GABRA2: variants seen among roughly 807,000 people sequenced by gnomAD.
The protein encoded by GABRA2 is gamma-aminobutyric acid receptor subunit alpha-2.
Under a neutral mutation model 48.7 loss-of-function variants are expected in GABRA2, and 16 were observed. The observed-to-expected ratio is 0.33, with a 90% CI of 0.22 to 0.50. The LOEUF (loss-of-function observed/expected upper bound fraction) is 0.50. Among genes scored for constraint, GABRA2 ranks in the 20% least tolerant of loss-of-function variants. The probability of loss-of-function intolerance (pLI) is 0.98; values close to 1 mark genes in which losing one functional copy is unlikely to be tolerated. For missense variants in GABRA2, 275 were observed against 535.6 expected (o/e 0.51, Z 4.80); for synonymous variants, 185 against 184.5 (o/e 1.00, Z -0.02).
intron 9 of GABRA2, among the ~76,000 whole-genome samples, chr4:46,258,203 C>T (rs1716232890): frequency 1.3e-5 from 2 of 151,688 alleles, no homozygotes; most frequent in South Asian, 2.1e-4. Flanking sequence ...ATTTACTGAG[C>T]ACCTAATACA....
intron 5 of GABRA2, among the ~76,000 whole-genome samples, 174 bp downstream of exon 5, chr4:46,312,322 A>G (rs1397882440): frequency 6.6e-6 from 1 of 152,220 alleles, no homozygotes; most frequent in Admixed American, 6.5e-5. Flanking sequence ...ACTCAAAAAT[A>G]CTATTTTATA....
At position 46,315,942 on chromosome 4, in the gene GABRA2, TACAC is replaced by T. The variant is rs969052829; in HGVS notation, c.256-3230_256-3227del. ...TGTACTTTCACATTTAGTACATATA[TACAC>T]ACACACACACACACACACATATATA... On this transcript the variant is annotated intron_variant, in intron 4 of 9. Coordinates refer to ENST00000381620, the MANE Select transcript of GABRA2 (RefSeq NM_000807.4). 2.5e-3 allele frequency among the ~76,000 whole-genome samples: 366 copies of T among 148,320 alleles called. 1 individual carries two copies. The highest frequency in any genetic ancestry group is 8.1e-3 in the East Asian group (40 of 4,964).
chr4:46,350,003 T>A (rs1167933766), intron 3 of GABRA2, among the ~76,000 whole-genome samples: 1 of 151,908 alleles, frequency 6.6e-6, no homozygotes, highest in Non-Finnish European at 1.5e-5. Context: ...ATTTACCACC[T>A]ATTAAGCATT....
At chr4:46,390,128 T>TGGAGGA, upstream of GABRA2, 1 of 940,972 alleles carries the variant, frequency 1.1e-6, no homozygotes, top group Non-Finnish European at 1.3e-6. Context: ...GCCCCGCGCC[T>TGGAGGA]GGAGGAGGAG....
intron 9 of GABRA2, among the ~76,000 whole-genome samples, chr4:46,257,627 A>G (rs1716100511): frequency 1.3e-5 from 2 of 151,788 alleles, no homozygotes; most frequent in Non-Finnish European, 2.9e-5. Context: ...CTTGGACCAT[A>G]TTAGCTTAGC....
chr4:46,314,484 T>C (rs1237814103), intron 4 of GABRA2, among the ~76,000 whole-genome samples: 2 of 152,134 alleles, frequency 1.3e-5, no homozygotes, highest in East Asian at 3.9e-4. Flanking sequence ...TTATTTATTT[T>C]ATTTTTTAAT....
chr4:46,363,028 C>T, intron 3 of GABRA2, among the ~76,000 whole-genome samples: 1 of 152,120 alleles, frequency 6.6e-6, no homozygotes, highest in Non-Finnish European at 1.5e-5. Flanking sequence ...TACCCCCTTG[C>T]CTATGTCAAC....
intron 3 of GABRA2, among the ~76,000 whole-genome samples, chr4:46,355,579 G>A (rs781230791): frequency 1.3e-5 from 2 of 152,036 alleles, no homozygotes; most frequent in African/African-American, 2.4e-5. Context: ...ATTGTTACAA[G>A]TGCCAAGCAT....
chr4:46,297,819 C>A (rs1266767376), intron 8 of GABRA2, among the ~76,000 whole-genome samples: 2 of 151,480 alleles, frequency 1.3e-5, no homozygotes, highest in Non-Finnish European at 2.9e-5. Flanking sequence ...TGTTTTTATT[C>A]CTTTAGAGTG....
chr4:46,318,641 A>G (rs1046474960), intron 4 of GABRA2, among the ~76,000 whole-genome samples: 1 of 151,696 alleles, frequency 6.6e-6, no homozygotes, highest in African/African-American at 2.4e-5. Context: ...CCAAAAAAAT[A>G]AAAAACGGTC....
intron 9 of GABRA2, among the ~76,000 whole-genome samples, chr4:46,252,133 G>A (rs2109383080): frequency 6.6e-6 from 1 of 151,478 alleles, no homozygotes; most frequent in African/African-American, 2.4e-5. Context: ...GAAAGCCCAG[G>A]AGATTCTAAA....
At chr4:46,280,600 C>CT (rs2109460686) in intron 8 of GABRA2, among the ~76,000 whole-genome samples, 1 of 152,272 alleles carries the variant, frequency 6.6e-6, no homozygotes, top group Non-Finnish European at 1.5e-5. Context: ...ATCCTTCTGA[C>CT]TGCTATGTTG....
At chr4:46,361,953 T>G (rs1372891590) in intron 3 of GABRA2, among the ~76,000 whole-genome samples, 4 of 152,220 alleles carry the variant, frequency 2.6e-5, no homozygotes, top group African/African-American at 9.6e-5. Context: ...GTTGTATTTA[T>G]GCCTGTACCC....
At chr4:46,382,961 A>T (rs1022053921) in intron 3 of GABRA2, among the ~76,000 whole-genome samples, 3 of 152,126 alleles carry the variant, frequency 2.0e-5, no homozygotes, top group Non-Finnish European at 2.9e-5. Context: ...AATTGAGCCC[A>T]TTTTTCCCTT....
chr4:46,375,793 G>A (rs942342222), intron 3 of GABRA2, among the ~76,000 whole-genome samples: 1 of 152,198 alleles, frequency 6.6e-6, no homozygotes, highest in Non-Finnish European at 1.5e-5. Context: ...AATATGGTGT[G>A]ATATGAATTT....
At chr4:46,265,372 TGTG>T (rs1218802183) in intron 8 of GABRA2, among the ~76,000 whole-genome samples, 1 of 127,468 alleles carries the variant, frequency 7.8e-6, no homozygotes, top group Non-Finnish European at 1.5e-5. Context: ...TGTGTGTGTG[TGTG>T]TGTGTACACA....
At chr4:46,309,161 C>T (rs953876651) in intron 6 of GABRA2, among the ~76,000 whole-genome samples, 3 of 152,070 alleles carry the variant, frequency 2.0e-5, no homozygotes, top group African/African-American at 7.2e-5. Context: ...AGACCTGACA[C>T]CTTTTGCAAG....
chr4:46,362,931 A>G (rs576715939), intron 3 of GABRA2, among the ~76,000 whole-genome samples: 153 of 152,312 alleles, frequency 1.0e-3, no homozygotes, highest in Non-Finnish European at 1.7e-3. Context: ...CTAGTAATAA[A>G]ATTTATAATC....
intron 3 of GABRA2, among the ~76,000 whole-genome samples, chr4:46,375,405 T>C (rs1715540103): frequency 6.6e-6 from 1 of 152,208 alleles, no homozygotes; most frequent in Non-Finnish European, 1.5e-5. Context: ...AAGTTTTTCA[T>C]TTTGCTGTTC....
Sources: gnomAD v4.1 joint callset for allele counts (sites outside exome capture counted in the v4.1 genomes callset) on GRCh38, gnomAD v4.1.1 for gene constraint, MANE v1.5 for transcripts, NCBI Gene and HGNC (gene_info 2026-07-23, HGNC 2026-07-21) for gene names.